Variants in NEK10 observed in about 807,000 individuals in gnomAD.
NEK10 encodes the protein NIMA related kinase 10.
A neutral mutation model predicts 159.8 loss-of-function variants in NEK10; 122 were observed. That is an observed-to-expected ratio of 0.76 (90% CI 0.66 to 0.89). NEK10 has a LOEUF of 0.89. NEK10 is among the 40% of genes least tolerant of loss of function. The pLI, the probability that NEK10 is intolerant of heterozygous loss-of-function variation, is 0.00. For synonymous variants in NEK10, 466 were observed against 457.1 expected (o/e 1.02, Z -0.25); for missense variants, 1,342 against 1,323.1 (o/e 1.01, Z -0.22).
chr3:27,344,630 A>G (rs528782298), intron 4 of NEK10, among the ~76,000 whole-genome samples: 83 of 152,348 alleles, frequency 5.4e-4, no homozygotes, highest in African/African-American at 1.8e-3. Flanking sequence ...ATTTCCTTTT[A>G]TCATATTCAT....
chr3:27,282,446 G>A (rs1244084872), intron 22 of NEK10, among the ~76,000 whole-genome samples: 3 of 150,890 alleles, frequency 2.0e-5, no homozygotes, highest in Non-Finnish European at 4.4e-5. Context: ...AAAATAAAAT[G>A]CAGAGTTGGC....
At chr3:27,193,600 A>AT (rs141331589) in intron 25 of NEK10, among the ~76,000 whole-genome samples, 1,060 of 55,094 alleles carry the variant, frequency 0.019, 53 homozygotes, top group Non-Finnish European at 0.027. Flanking sequence ...CATATGCTTG[A>AT]TTTTTTTTTT....
chr3:27,167,374 G>A (rs1035681449), intron 29 of NEK10, among the ~76,000 whole-genome samples: 1 of 152,052 alleles, frequency 6.6e-6, no homozygotes, highest in Non-Finnish European at 1.5e-5. Context: ...ATAGTTTGGC[G>A]CAGGCCTGGC....
In NEK10 at chr3:27,192,069, T is replaced by C. The variant is rs1305110327; in HGVS notation, c.2465A>G (p.Asn822Ser). The change falls in exon 26 of 36, where the codon AAC becomes AGC. Residue 822 changes from asparagine (N) to serine (S), a missense_variant. Coordinates refer to ENST00000691995, the MANE Select transcript of NEK10 (RefSeq NM_001394966.1). ...TQRYFMEANR[N>S]TVTCHHELAV... ...CAGCTCATGGTGACATGTGACGGTG[T>C]TCCGGTTGGCTTCCATAAAATACCT... 1 of 1,614,076 alleles carries C rather than the reference T, an allele frequency of 6.2e-7. No homozygotes were observed. The highest frequency in any genetic ancestry group is 1.3e-5 in the African/African-American group (1 of 74,922).
intron 5 of NEK10, among the ~76,000 whole-genome samples, chr3:27,325,310 T>C (rs539696622): frequency 4.6e-5 from 7 of 152,356 alleles, no homozygotes; most frequent in Non-Finnish European, 8.8e-5. Context: ...GAAGCTATTC[T>C]AGACTAGAAT....
At chr3:27,261,862 C>CTCCT (rs1311427446) in intron 22 of NEK10, among the ~76,000 whole-genome samples, 6 of 152,186 alleles carry the variant, frequency 3.9e-5, no homozygotes, top group African/African-American at 1.4e-4. Flanking sequence ...GAGTCTAAGT[C>CTCCT]TCCTTCTAGG....
At chr3:27,243,482 T>C (rs1954757636) in intron 23 of NEK10, among the ~76,000 whole-genome samples, 1 of 152,212 alleles carries the variant, frequency 6.6e-6, no homozygotes, top group African/African-American at 2.4e-5. Flanking sequence ...CTTTCCATTA[T>C]ATGTTTACCC....
chr3:27,278,131 A>T (rs902550233), intron 22 of NEK10, among the ~76,000 whole-genome samples: 1 of 152,220 alleles, frequency 6.6e-6, no homozygotes. Context: ...GACATATAAT[A>T]ATAGGTCACA....
At position 27,108,979 on chromosome 3, in the gene NEK10, C is replaced by G. The variant is rs947388827; in HGVS notation, c.*2293G>C. Among the ~76,000 whole-genome samples, 1 of 152,192 alleles carries G rather than the reference C, an allele frequency of 6.6e-6. No homozygotes were observed. Among genetic ancestry groups the G allele is most frequent in the Admixed American group, 6.5e-5 (1 of 15,276 alleles). ...TTTAGCAAAACAATACATCTATCCA[C>G]ATAGAGTTGATAGGCCTGAAGCTGT... is the stretch of plus-strand genomic sequence containing the variant. On this transcript the variant is annotated 3_prime_UTR_variant, in exon 36 of 36. Coordinates refer to ENST00000691995, the MANE Select transcript of NEK10 (RefSeq NM_001394966.1).
chr3:27,186,016 T>C (rs1948584125), intron 26 of NEK10, among the ~76,000 whole-genome samples: 1 of 152,176 alleles, frequency 6.6e-6, no homozygotes, highest in Non-Finnish European at 1.5e-5. Flanking sequence ...ATGTCAAGGT[T>C]ACAATTAAGG....
chr3:27,344,478 T>C, intron 4 of NEK10, 108 bp from the exon 5 acceptor site: 1 of 610,702 alleles, frequency 1.6e-6, no homozygotes, highest in East Asian at 2.8e-5. Flanking sequence ...TTATTATTAC[T>C]AACCACTATA....
intron 22 of NEK10, among the ~76,000 whole-genome samples, chr3:27,258,449 C>G (rs1251995804): frequency 6.7e-6 from 1 of 150,308 alleles, no homozygotes; most frequent in Non-Finnish European, 1.5e-5. Flanking sequence ...CAATTCCCAC[C>G]TATGAGTGAG....
intron 35 of NEK10, among the ~76,000 whole-genome samples, chr3:27,111,571 A>T: frequency 6.6e-6 from 1 of 152,348 alleles, no homozygotes; most frequent in East Asian, 1.9e-4. Context: ...ACAAATATTC[A>T]TTCAAAATAG....
chr3:27,257,321 G>A (rs1956305409), intron 22 of NEK10, among the ~76,000 whole-genome samples: 1 of 152,060 alleles, frequency 6.6e-6, no homozygotes, highest in Non-Finnish European at 1.5e-5. Context: ...TAATTACCAG[G>A]ATTGCACAAA....
At chr3:27,127,624 G>T (rs1942122504) in intron 32 of NEK10, among the ~76,000 whole-genome samples, 1 of 152,110 alleles carries the variant, frequency 6.6e-6, no homozygotes, top group Non-Finnish European at 1.5e-5. Flanking sequence ...TTATAATCTT[G>T]TGGGACCACT....
rs755605805 is a variant in NEK10 at position 27,116,077 on chromosome 3, G to C, written c.3241C>G (p.Gln1081Glu). The change falls in exon 34 of 36, where the codon CAG becomes GAG. Residue 1081 changes from glutamine to glutamate, a missense_variant and splice_region_variant. Gln to Glu is a conservative substitution (Grantham distance 29). Coordinates refer to ENST00000691995, the MANE Select transcript of NEK10 (RefSeq NM_001394966.1). ...LEEGITYEQMQTVIEEVLEES... is the reference protein window; with the variant it reads ...LEEGITYEQMETVIEEVLEES... ...CAGAGACACTGCAAAAACCTCACCT[G>C]CATCTGTTCATATGTTATTCCTTCC... is the stretch of plus-strand genomic sequence containing the variant. The C allele has an allele frequency of 1.9e-6, 3 of 1,613,432 alleles. No individual in the cohort carries two copies. The South Asian group carries it at 3.3e-5, about 18-fold the overall frequency.
chr3:27,317,917 C>T (rs950457752), intron 6 of NEK10, among the ~76,000 whole-genome samples: 2 of 152,148 alleles, frequency 1.3e-5, no homozygotes, highest in African/African-American at 4.8e-5. Context: ...ATTCTTCTGC[C>T]TCAGCCTCCC....
At chr3:27,189,645 T>C (rs1948943816) in intron 26 of NEK10, among the ~76,000 whole-genome samples, 1 of 151,882 alleles carries the variant, frequency 6.6e-6, no homozygotes, top group African/African-American at 2.4e-5. Context: ...TTTTTAAAAA[T>C]AATAATTGGT....
At chr3:27,152,659 C>G (rs185825889) in intron 30 of NEK10, among the ~76,000 whole-genome samples, 1 of 151,258 alleles carries the variant, frequency 6.6e-6, no homozygotes, top group South Asian at 2.1e-4. Flanking sequence ...AACAGCACCT[C>G]ACATTTCAAT....
Sources: allele counts gnomAD v4.1 joint callset (sites outside exome capture counted in the v4.1 genomes callset), GRCh38; gene constraint gnomAD v4.1.1; transcripts MANE v1.5; gene names NCBI Gene and HGNC (gene_info 2026-07-23, HGNC 2026-07-21).